The following FER1L5 variants were observed in gnomAD, a reference collection of about 807,000 sequenced individuals.
FER1L5 encodes the protein fer-1 like family member 5, also known as fer-1-like protein 5.
In FER1L5, 187 loss-of-function variants were observed where a neutral mutation model predicts 279.9. The ratio of observed to expected loss-of-function variants is 0.67; its 90% CI spans 0.59 to 0.75. The LOEUF is 0.75. Among genes scored for constraint, FER1L5 ranks in the 30% least tolerant of loss-of-function variants. The pLI is 0.00. For missense variants in FER1L5, 2,091 were observed against 2,594.4 expected (o/e 0.81, Z 4.21); for synonymous variants, 921 against 989.7 (o/e 0.93, Z 1.30).
chr2:96,687,767 C>T (rs1323030427), intron 23 of FER1L5, 49 bp from the exon 24 acceptor site: 10 of 1,544,418 alleles, frequency 6.5e-6, no homozygotes, highest in African/African-American at 4.1e-5. Context: ...GCCGGGGTGG[C>T]GTTCAGGGTG....
chr2:96,647,976 T>C (rs1013933578), intron 4 of FER1L5, 90 bp downstream of exon 4: 2 of 1,077,142 alleles, frequency 1.9e-6, no homozygotes, highest in Non-Finnish European at 2.8e-6. Flanking sequence ...TGCTTCCTGC[T>C]TGGGGGGCCC....
rs565579017 is a variant in FER1L5 at position 96,681,675 on chromosome 2, A to G, written c.1670-2652A>G. ...TTCATAGATCCAGATGACATAGGGTATAGTCATAGCTCATTCACTGACTGC... is the reference window on the plus strand; with the variant it reads ...TTCATAGATCCAGATGACATAGGGTGTAGTCATAGCTCATTCACTGACTGC... On this transcript the variant is annotated intron_variant, in intron 19 of 52. Coordinates refer to ENST00000624922, the MANE Select transcript of FER1L5 (RefSeq NM_001293083.2). Among the ~76,000 whole-genome samples the G allele has an allele frequency of 2.1e-4, 32 of 152,296 alleles. No homozygotes were observed. The South Asian group carries it at 3.3e-3, about 16-fold the overall frequency.
At chr2:96,686,647 G>A (rs560020055) in intron 23 of FER1L5, among the ~76,000 whole-genome samples, 26 of 152,150 alleles carry the variant, frequency 1.7e-4, no homozygotes, top group African/African-American at 6.0e-4. Context: ...CTGAGGTCAG[G>A]AGTTTGAGAC....
chr2:96,672,080 TA>T (rs2076347938), intron 18 of FER1L5, among the ~76,000 whole-genome samples: 1 of 152,048 alleles, frequency 6.6e-6, no homozygotes, highest in African/African-American at 2.4e-5. Context: ...AAAAAAAAAG[TA>T]AAAAAATTTT....
rs2077166035 is a variant in FER1L5, at chr2:96,691,988, T to C, written c.3214+25T>C. The C allele has an allele frequency of 3.1e-6, 4 of 1,299,568 alleles. No homozygotes were observed. In the South Asian group the frequency reaches 5.0e-5, roughly 16 times the overall value. The allele number at this position is 1,299,568 out of a possible 1,614,324, so 80.5% of individuals were successfully genotyped here. ...AGTAAGCACTGACTTGGGAGTCTAC[T>C]TGAATGGCCCCAGAGGCCAGTACCC... On this transcript the variant is annotated intron_variant, in intron 30 of 52. Coordinates refer to ENST00000624922, the MANE Select transcript of FER1L5 (RefSeq NM_001293083.2). The surrounding 1 kb of genome is among the most constrained non-coding windows in gnomAD (Gnocchi z 6.0).
In FER1L5 at chr2:96,702,411, A is replaced by G; in HGVS notation, c.5255+10A>G. On this transcript the variant is annotated intron_variant, in intron 47 of 52. Transcript: ENST00000624922. The surrounding 1 kb of genome is among the most constrained non-coding windows in gnomAD (Gnocchi z 4.0). ...ACATCTACATCAAAGGGTAGGGAAGAGGAGTCAGGCTCCGGCAGAGCCCCT... is the reference window on the plus strand; with the variant it reads ...ACATCTACATCAAAGGGTAGGGAAGGGGAGTCAGGCTCCGGCAGAGCCCCT... The G allele has an allele frequency of 1.2e-6, 2 of 1,606,714 alleles. No individual in the cohort carries two copies. Among genetic ancestry groups the G allele is most frequent in the Admixed American group, 1.7e-5 (1 of 58,820 alleles).
rs1268988203 is a variant in FER1L5, at chr2:96,651,904, G to A, written c.517G>A (p.Val173Met). The A allele has an allele frequency of 3.9e-6, 6 of 1,552,102 alleles. No individual in the cohort carries two copies. Among genetic ancestry groups the A allele is most frequent in the South Asian group, 2.4e-5 (2 of 84,064 alleles). ...KPQHFQVRVKVFEARQLMGNN... is the reference protein window; with the variant it reads ...KPQHFQVRVKMFEARQLMGNN... ...GTTCCGCCCTTAGGTTCGAGTGAAG[G>A]TGTTTGAAGCCCGACAGCTCATGGG... Residue 173 changes from valine to methionine, a missense_variant, in exon 7 of 53, where the codon GTG becomes ATG. Val to Met is a conservative substitution (Grantham distance 21, BLOSUM62 1). Transcript: ENST00000624922.
chr2:96,662,911 C>T (rs2076004688), intron 13 of FER1L5, among the ~76,000 whole-genome samples: 1 of 152,154 alleles, frequency 6.6e-6, no homozygotes, highest in South Asian at 2.1e-4. Flanking sequence ...CTAGGTGAAA[C>T]GTTCTCAGGT....
intron 51 of FER1L5, 74 bp downstream of exon 51, chr2:96,703,706 T>C: frequency 7.4e-7 from 1 of 1,350,322 alleles, no homozygotes; most frequent in Non-Finnish European, 1.1e-6. Flanking sequence ...CCAGTGGGCC[T>C]ATCATGGAGA....
Position 96,668,789 on chromosome 2 carries a change from G to T in FER1L5, c.1179G>T (p.Leu393Phe). ...CLSSYIKFRV[L>F]DCRKKDCPDE... ...CCAGCTACATCAAGTTCAGAGTCTT[G>T]GACTGGTGAGCAACCTGGTGGAGGC... The change falls in exon 15 of 53, where the codon TTG becomes TTT. Residue 393 changes from leucine (L) to phenylalanine (F), a missense_variant. Leu to Phe is a conservative substitution (Grantham distance 22). Coordinates refer to ENST00000624922, the MANE Select transcript of FER1L5 (RefSeq NM_001293083.2). The T allele has an allele frequency of 6.4e-7, 1 of 1,551,622 alleles. No individual in the cohort carries two copies. The highest frequency in any genetic ancestry group is 1.2e-5 in the South Asian group (1 of 84,048).
chr2:96,642,952 G>A, intron 1 of FER1L5, 31 bp downstream of exon 1: 1 of 1,533,800 alleles, frequency 6.5e-7, no homozygotes, highest in Non-Finnish European at 8.8e-7. Context: ...ACATGGGAGA[G>A]AGAAGCCCCC....
Position 96,698,591 on chromosome 2 carries a change from G to A in FER1L5, c.4357-80G>A. 8.2e-7 allele frequency: 1 copy of A among 1,226,796 alleles called. No homozygotes were observed. Among genetic ancestry groups the A allele is most frequent in the Non-Finnish European group, 1.2e-6 (1 of 868,476 alleles). The allele number at this position is 1,226,796 out of a possible 1,614,324, so 76.0% of individuals were successfully genotyped here. The stretch of plus-strand genomic sequence containing the variant: ...GCCCAACCCTCTCTCTCCTGAACAT[G>A]GGCTGGGGCACCTCCCAGAGGGCTT... On this transcript the variant is annotated intron_variant, in intron 40 of 52. Coordinates refer to ENST00000624922, the MANE Select transcript of FER1L5 (RefSeq NM_001293083.2). The surrounding 1 kb of genome is among the most constrained non-coding windows in gnomAD (Gnocchi z 5.5).
intron 24 of FER1L5, 25 bp downstream of exon 24, chr2:96,687,972 G>T (rs1355906545): frequency 2.6e-6 from 4 of 1,550,042 alleles, no homozygotes; most frequent in Middle Eastern, 3.3e-4. Context: ...GCAGCCCAAG[G>T]CCAGGGCAGG....
At chr2:96,669,692 A>C (rs2076254235) in intron 17 of FER1L5, among the ~76,000 whole-genome samples, 1 of 152,150 alleles carries the variant, frequency 6.6e-6, no homozygotes, top group Admixed American at 6.5e-5. Flanking sequence ...TGCCTCAGTC[A>C]GACTTCCCGG....
intron 1 of FER1L5, among the ~76,000 whole-genome samples, chr2:96,643,276 T>C (rs2074962417): frequency 6.6e-6 from 1 of 152,242 alleles, no homozygotes; most frequent in Non-Finnish European, 1.5e-5. Context: ...AGTACAACTT[T>C]TAGTAATAAC....
In FER1L5 at chr2:96,650,172, C is replaced by A; in HGVS notation, c.395-8C>A. The A allele has an allele frequency of 6.4e-7, 1 of 1,550,734 alleles. No individual in the cohort carries two copies. The highest frequency in any genetic ancestry group is 8.7e-7 in the Non-Finnish European group (1 of 1,146,148). On this transcript the variant is annotated splice_polypyrimidine_tract_variant and splice_region_variant and intron_variant, in intron 5 of 52. Coordinates refer to ENST00000624922, the MANE Select transcript of FER1L5 (RefSeq NM_001293083.2). ...CCTCTGACCCCACCCTGCACTGTGT[C>A]TCCCCAGGAGCTGAAGACCACCTGG...
intron 34 of FER1L5, 85 bp from the exon 35 acceptor site, chr2:96,695,424 G>A (rs2077333550): frequency 6.8e-7 from 1 of 1,472,418 alleles, no homozygotes; most frequent in Non-Finnish European, 9.0e-7. Flanking sequence ...CACCGCTATT[G>A]CCCCTCAGCC....
Position 96,702,776 on chromosome 2 carries a change from C to A in FER1L5, c.5397+35C>A, listed in dbSNP as rs753695757. On this transcript the variant is annotated intron_variant, in intron 48 of 52. Transcript: ENST00000624922. The surrounding 1 kb of genome is among the most constrained non-coding windows in gnomAD (Gnocchi z 4.0). ...CTGGGGCGTGAGGGGCAACAGGCCA[C>A]AACAAACAGACCCAGGCTCCTGGAG... The A allele has an allele frequency of 6.2e-7, 1 of 1,609,104 alleles. No homozygotes were observed. Among genetic ancestry groups the A allele is most frequent in the Non-Finnish European group, 8.5e-7 (1 of 1,178,106 alleles).
chr2:96,704,168 GA>G (rs760589487), intron 51 of FER1L5, 46 bp from the exon 52 acceptor site: 1 of 1,604,762 alleles, frequency 6.2e-7, no homozygotes, highest in Non-Finnish European at 8.5e-7. Context: ...TACTTGACCT[GA>G]AGGTTCTCCC....
Sources: gnomAD v4.1 joint callset for allele counts (sites outside exome capture counted in the v4.1 genomes callset) on GRCh38, gnomAD v4.1.1 for gene constraint, Gnocchi (gnomAD v3.1) non-coding constraint, MANE v1.5 for transcripts, NCBI Gene and HGNC (gene_info 2026-07-23, HGNC 2026-07-21) for gene names.